CDH13: variants seen among roughly 807,000 people sequenced by gnomAD.
The protein encoded by CDH13 is cadherin 13.
In CDH13, 24 loss-of-function variants were observed where a neutral mutation model predicts 63.8. The ratio of observed to expected loss-of-function variants is 0.38; its 90% CI spans 0.27 to 0.53. The LOEUF (loss-of-function observed/expected upper bound fraction) is 0.53. Ranked by LOEUF, CDH13 falls within the 20% of genes least tolerant of loss-of-function variation. The probability of loss-of-function intolerance (pLI) is 0.85; values close to 1 mark genes in which losing one functional copy is unlikely to be tolerated. For missense variants in CDH13, 1,049 were observed against 903.1 expected (o/e 1.16, Z -2.07); for synonymous variants, 503 against 355.3 (o/e 1.42, Z -4.67).
chr16:83,159,388 AT>A (rs980453878), intron 4 of CDH13, among the ~76,000 whole-genome samples: 1 of 152,212 alleles, frequency 6.6e-6, no homozygotes, highest in Non-Finnish European at 1.5e-5. Flanking sequence ...GTCAAATCAC[AT>A]TTCCATATTG....
At chr16:82,738,472 C>T (rs2033786748) in intron 1 of CDH13, among the ~76,000 whole-genome samples, 1 of 152,208 alleles carries the variant, frequency 6.6e-6, no homozygotes, top group African/African-American at 2.4e-5. Flanking sequence ...GTGCTTTTAG[C>T]ACATCACCTT....
intron 3 of CDH13, among the ~76,000 whole-genome samples, chr16:83,046,234 G>A (rs1263616463): frequency 6.6e-6 from 1 of 152,070 alleles, no homozygotes; most frequent in South Asian, 2.1e-4. Context: ...TCTCACTGGG[G>A]CCCATAGCAG....
intron 1 of CDH13, among the ~76,000 whole-genome samples, chr16:82,797,070 C>G (rs898501710): frequency 3.9e-5 from 6 of 152,216 alleles, no homozygotes; most frequent in African/African-American, 1.2e-4. Flanking sequence ...TGAGTTATTC[C>G]TCATCATTCT....
chr16:83,234,999 C>T (rs1219560850), intron 5 of CDH13, among the ~76,000 whole-genome samples: 1 of 152,148 alleles, frequency 6.6e-6, no homozygotes, highest in Non-Finnish European at 1.5e-5. Flanking sequence ...GAGTTCAATA[C>T]CAGCCTGGGC....
At chr16:82,681,177 G>A (rs1332803993) in intron 1 of CDH13, among the ~76,000 whole-genome samples, 1 of 152,210 alleles carries the variant, frequency 6.6e-6, no homozygotes, top group Non-Finnish European at 1.5e-5. Context: ...ATATTATTCA[G>A]CCAGAAGAAG....
chr16:83,148,574 T>C (rs1047672993), intron 4 of CDH13, among the ~76,000 whole-genome samples: 1 of 152,262 alleles, frequency 6.6e-6, no homozygotes, highest in Non-Finnish European at 1.5e-5. Context: ...TAATAGTGCC[T>C]GCCTCATAGG....
In CDH13 at chr16:82,946,377, C is replaced by G. The variant is rs142426379; in HGVS notation, c.158-85633C>G. On this transcript the variant is annotated intron_variant, in intron 2 of 13. Transcript: ENST00000567109. The stretch of plus-strand genomic sequence containing the variant: ...ACTTATGAAATATTTTATTGATAGT[C>G]AAGCACCCTGATTAAACTTGTCCTA... Among the ~76,000 whole-genome samples, 138 of 152,224 alleles carry G rather than the reference C, an allele frequency of 9.1e-4. 1 individual carries two copies. The East Asian group carries it at 0.021, about 24-fold the overall frequency.
Position 83,241,570 on chromosome 16 carries a change from C to A in CDH13, c.636+24073C>A, listed in dbSNP as rs151063411. Among the ~76,000 whole-genome samples, 1,031 of 152,196 alleles carry A rather than the reference C, an allele frequency of 6.8e-3. 6 individuals carry two copies. Among genetic ancestry groups the A allele is most frequent in the African/African-American group, 0.024 (976 of 41,516 alleles). On this transcript the variant is annotated intron_variant, in intron 5 of 13. Transcript: ENST00000567109. Reference sequence around the variant, plus strand: ...CTCATTATGGTTTTGATTTGCATTTCTTTTAGGATTAGTGATGTTCAGCAT... The same window carrying A: ...CTCATTATGGTTTTGATTTGCATTTATTTTAGGATTAGTGATGTTCAGCAT...
chr16:82,936,472 C>G (rs533472595), intron 2 of CDH13, among the ~76,000 whole-genome samples: 2 of 152,132 alleles, frequency 1.3e-5, no homozygotes, highest in Middle Eastern at 3.2e-3. Context: ...CACCCACCAA[C>G]TTTCCCCATC....
At chr16:82,879,713 A>T (rs2040626845) in intron 2 of CDH13, among the ~76,000 whole-genome samples, 1 of 138,588 alleles carries the variant, frequency 7.2e-6, no homozygotes, top group East Asian at 2.0e-4. Flanking sequence ...ATGTTTCATT[A>T]TATATAATAT....
chr16:83,167,095 C>T lies in CDH13; in HGVS notation c.483+41594C>T, dbSNP rs187656641. Among the ~76,000 whole-genome samples, 131 of 151,936 alleles carry T rather than the reference C, an allele frequency of 8.6e-4. 1 individual carries two copies. Among genetic ancestry groups the T allele is most frequent in the African/African-American group, 3.0e-3 (126 of 41,422 alleles). On this transcript the variant is annotated intron_variant, in intron 4 of 13. Coordinates refer to ENST00000567109, the MANE Select transcript of CDH13 (RefSeq NM_001257.5). ...TTCTCCTGGTGTTTTAATAATTCCA[C>T]GAAGGTTTATGAATATTGGCAAACG... is the stretch of plus-strand genomic sequence containing the variant.
intron 1 of CDH13, among the ~76,000 whole-genome samples, chr16:82,759,135 G>T (rs376301586): frequency 6.6e-6 from 1 of 152,178 alleles, no homozygotes; most frequent in Non-Finnish European, 1.5e-5. Flanking sequence ...GTGGATAAAT[G>T]GCCCGGCTTC....
chr16:82,823,007 C>G (rs2038075832), intron 1 of CDH13, among the ~76,000 whole-genome samples: 3 of 152,144 alleles, frequency 2.0e-5, no homozygotes, highest in African/African-American at 7.2e-5. Context: ...AGGGTTGAGG[C>G]TGGAACTGCT....
At chr16:83,677,878 A>G (rs1915092178) in intron 9 of CDH13, among the ~76,000 whole-genome samples, 1 of 152,116 alleles carries the variant, frequency 6.6e-6, no homozygotes, top group Non-Finnish European at 1.5e-5. Flanking sequence ...AGGGAGGCTC[A>G]CTAAGGTTCA....
intron 7 of CDH13, among the ~76,000 whole-genome samples, chr16:83,581,121 A>G (rs1355567479): frequency 6.6e-6 from 1 of 152,188 alleles, no homozygotes; most frequent in Non-Finnish European, 1.5e-5. Context: ...CTGGCATGGA[A>G]GGAGAAGATC....
chr16:82,661,868 G>C (rs1911988837), intron 1 of CDH13, among the ~76,000 whole-genome samples: 2 of 152,150 alleles, frequency 1.3e-5, no homozygotes, highest in African/African-American at 2.4e-5. Flanking sequence ...TGTAATTAGG[G>C]GACTTGTTAA....
At chr16:83,406,844 A>G (rs942277067) in intron 6 of CDH13, among the ~76,000 whole-genome samples, 2 of 152,226 alleles carry the variant, frequency 1.3e-5, no homozygotes, top group Admixed American at 6.5e-5. Flanking sequence ...ATCAATGAAG[A>G]TAGCAGAATC....
intron 1 of CDH13, among the ~76,000 whole-genome samples, chr16:82,739,298 A>T (rs533676686): frequency 6.6e-6 from 1 of 152,334 alleles, no homozygotes; most frequent in Non-Finnish European, 1.5e-5. Flanking sequence ...CTACTTTTAG[A>T]TAAAGAAATC....
chr16:82,705,183 C>T (rs1024737138), intron 1 of CDH13: 11 of 455,736 alleles, frequency 2.4e-5, no homozygotes, highest in Non-Finnish European at 4.4e-5. Context: ...AGATTGCTTC[C>T]AGGACTATTA....
Sources: gnomAD v4.1 joint callset for allele counts (sites outside exome capture counted in the v4.1 genomes callset) on GRCh38, gnomAD v4.1.1 for gene constraint, MANE v1.5 for transcripts, NCBI Gene and HGNC (gene_info 2026-07-23, HGNC 2026-07-21) for gene names.